MRPL55: variants seen among roughly 807,000 people sequenced by gnomAD.
MRPL55 encodes the protein large ribosomal subunit protein mL55.
A neutral mutation model predicts 10.6 loss-of-function variants in MRPL55; 7 were observed. The ratio of observed to expected loss-of-function variants is 0.66; its 90% confidence interval spans 0.38 to 1.24. The LOEUF is 1.24. Ranked by LOEUF, MRPL55 falls within the 50% of genes most tolerant of loss-of-function variation. The pLI is 0.02. For missense variants in MRPL55, 148 were observed against 180.3 expected, an observed-to-expected ratio of 0.82 and a Z score of 1.03; for synonymous variants, 57 against 71.8, an observed-to-expected ratio of 0.79 and a Z score of 1.04.
In MRPL55 at chr1:228,108,290, G is replaced by A. The variant is rs373059867; in HGVS notation, c.-30C>T. 27 of 1,608,004 alleles carry A rather than the reference G, an allele frequency of 1.7e-5. No homozygotes were observed. The highest frequency in any genetic ancestry group is 3.3e-4 in the Middle Eastern group (2 of 6,066). ...CCTTACAGCCCCAGTGGCACGTGGA[G>A]GTGGTCAGTACAGGCCCTGGCGTGC... On this transcript the variant is annotated 5_prime_UTR_variant, in exon 3 of 5. Transcript: ENST00000336520.
chr1:228,108,002 A>G, intron 3 of MRPL55, 133 bp from the exon 4 acceptor site: 1 of 1,545,210 alleles, frequency 6.5e-7, no homozygotes, highest in Non-Finnish European at 8.8e-7. Context: ...GTGCCGGGGC[A>G]GGATGAGCCT....
rs920453188 is a variant in MRPL55, at chr1:228,108,183, C to T, written c.26+52G>A. ...GGTTTCCTGCTGAAGAGAGGGGTTC[C>T]CTGGGGTGGCCCCTGACAGTAATCC... On this transcript the variant is annotated intron_variant, in intron 3 of 4. Transcript: ENST00000336520. 13 of 1,588,638 alleles carry T rather than the reference C, an allele frequency of 8.2e-6. No homozygotes were observed. In the Admixed American group the frequency reaches 1.2e-4, roughly 15 times the overall value.
At chr1:228,107,236 C>T (rs917989760) in intron 4 of MRPL55, among the ~76,000 whole-genome samples, 2 of 152,064 alleles carry the variant, frequency 1.3e-5, no homozygotes, top group African/African-American at 4.8e-5. Context: ...CTGGGCAACA[C>T]AGAGAGACCC....
intron 4 of MRPL55, 118 bp downstream of exon 4, chr1:228,107,550 G>A (rs532064515): frequency 2.6e-5 from 24 of 932,706 alleles, no homozygotes; most frequent in South Asian, 7.1e-5. Flanking sequence ...CCTGACTCCT[G>A]TCATGTGGTA....
At chr1:228,107,912 A>G (rs368856155) in intron 3 of MRPL55, 43 bp from the exon 4 acceptor site, 2 of 1,604,092 alleles carry the variant, frequency 1.2e-6, no homozygotes, top group African/African-American at 2.7e-5. Flanking sequence ...ACAGTGCTGC[A>G]GCAGAGTGCC....
At chr1:228,106,976 G>A in intron 4 of MRPL55, 58 bp from the exon 5 acceptor site, 6 of 1,481,202 alleles carry the variant, frequency 4.1e-6, no homozygotes, top group Non-Finnish European at 5.6e-6. Flanking sequence ...AGAGCTACTG[G>A]GGGGACAGCC....
chr1:228,108,229 G>A lies in MRPL55; in HGVS notation c.26+6C>T. The A allele has an allele frequency of 6.2e-7, 1 of 1,610,640 alleles. No homozygotes were observed. Among genetic ancestry groups the A allele is most frequent in the Non-Finnish European group, 8.5e-7 (1 of 1,178,874 alleles). ...AATCCCCAGGGACCTAAAAGTCCAT[G>A]CTTACCCAAGCAGGCTGCCCACGGC... On this transcript the variant is annotated splice_donor_region_variant and intron_variant, in intron 3 of 4. Coordinates refer to ENST00000336520, the MANE Select transcript of MRPL55 (RefSeq NM_181463.3).
At chr1:228,108,116 G>T in intron 3 of MRPL55, 119 bp downstream of exon 3, 1 of 1,531,428 alleles carries the variant, frequency 6.5e-7, no homozygotes, top group Non-Finnish European at 8.8e-7. Flanking sequence ...CCAGCACAGG[G>T]GACAGTGGAC....
At position 228,108,285 on chromosome 1, in the gene MRPL55, G is replaced by A. The variant is rs1309210486; in HGVS notation, c.-25C>T. 4.4e-6 allele frequency: 7 copies of A among 1,608,766 alleles called. No individual in the cohort carries two copies. The highest frequency in any genetic ancestry group is 5.1e-6 in the Non-Finnish European group (6 of 1,177,808). On this transcript the variant is annotated 5_prime_UTR_variant, in exon 3 of 5. It adds an upstream start codon to the 5' untranslated region. Transcript: ENST00000336520. ...TTCCTCCTTACAGCCCCAGTGGCAC[G>A]TGGAGGTGGTCAGTACAGGCCCTGG...
rs769399097 is a variant in MRPL55 at position 228,106,812 on chromosome 1, T to C, written c.335A>G (p.Asp112Gly). 1 of 1,614,036 alleles carries C rather than the reference T, an allele frequency of 6.2e-7. No individual in the cohort carries two copies. The highest frequency in any genetic ancestry group is 8.5e-7 in the Non-Finnish European group (1 of 1,180,010). ...TCGGTAGCGCTCCACATGCAAGTCA[T>C]CACTGAGCTCCTGCTCGTACTCCTT... ...SRKEYEQELSDDLHVERYRQF... is the reference protein window; with the variant it reads ...SRKEYEQELSGDLHVERYRQF... Residue 112 changes from aspartate to glycine, a missense_variant, in exon 5 of 5, where the codon GAT (aspartate) becomes GGT (glycine). Asp to Gly is a moderately conservative substitution (Grantham distance 94). Coordinates refer to ENST00000336520, the MANE Select transcript of MRPL55 (RefSeq NM_181463.3).
At chr1:228,107,494 T>C (rs2033262857) in intron 4 of MRPL55, among the ~76,000 whole-genome samples, 174 bp downstream of exon 4, 1 of 152,136 alleles carries the variant, frequency 6.6e-6, no homozygotes, top group Non-Finnish European at 1.5e-5. Flanking sequence ...TTAGAGTCAG[T>C]TTTGGATCTA....
intron 4 of MRPL55, among the ~76,000 whole-genome samples, chr1:228,107,290 G>A (rs546279544): frequency 1.3e-5 from 2 of 152,262 alleles, no homozygotes; most frequent in East Asian, 3.9e-4. Flanking sequence ...GAGGCATGGT[G>A]GTGTGCACCT....
Position 228,106,881 on chromosome 1 carries a change from C to T in MRPL55, c.266G>A (p.Arg89His), listed in dbSNP as rs748821629. ...CTCACGCTTCCGCAGCCTGGCCCGG[C>T]GCTCCTCAGGAGACAGGGTGTCCAG... is the stretch of plus-strand genomic sequence containing the variant. ...IDLDTLSPEE[R>H]RARLRKREAQ... The change falls in exon 5 of 5, where the codon CGC (arginine) becomes CAC (histidine). Residue 89 changes from arginine (R) to histidine (H), a missense_variant. Physicochemically the swap from Arg to His is conservative, Grantham distance 29. Coordinates refer to ENST00000336520, the MANE Select transcript of MRPL55 (RefSeq NM_181463.3). 15 of 1,613,588 alleles carry T rather than the reference C, an allele frequency of 9.3e-6. No individual in the cohort carries two copies. Among genetic ancestry groups the T allele is most frequent in the South Asian group, 2.2e-5 (2 of 91,068 alleles).
At position 228,107,839 on chromosome 1, in the gene MRPL55, G is replaced by A. The variant is rs1266675358; in HGVS notation, c.57C>T (p.Thr19=). 1.1e-5 allele frequency: 17 copies of A among 1,612,914 alleles called. No homozygotes were observed. The highest frequency in any genetic ancestry group is 1.0e-4 in the Admixed American group (6 of 60,000). ...GRLRQSTVKA[T]GPALRRLHTS... is the part of the protein sequence containing the mutation. ...TGTGCAGGCGGCGGAGTGCAGGTCC[G>A]GTGGCCTTCACGGTGCTCTGCCTCA... The change falls in exon 4 of 5, where the codon ACC becomes ACT. Residue 19 remains threonine, a synonymous_variant. Transcript: ENST00000336520.
chr1:228,107,345 G>A (rs1038830920), intron 4 of MRPL55, among the ~76,000 whole-genome samples: 2 of 152,220 alleles, frequency 1.3e-5, no homozygotes, highest in African/African-American at 2.4e-5. Flanking sequence ...GACCGCATGA[G>A]CCCAGGGGGT....
intron 2 of MRPL55, 200 bp from the exon 3 acceptor site, chr1:228,108,518 A>G (rs1455997515): frequency 5.7e-6 from 3 of 522,200 alleles, no homozygotes; most frequent in Non-Finnish European, 1.0e-5. Flanking sequence ...ACTACTCCCA[A>G]AGATTCTGAG....
At chr1:228,108,168 T>C (rs767811995) in intron 3 of MRPL55, 67 bp downstream of exon 3, 8 of 1,567,572 alleles carry the variant, frequency 5.1e-6, no homozygotes, top group Non-Finnish European at 6.9e-6. Context: ...GGTTTCCTGC[T>C]GAAGAGAGGG....
chr1:228,108,195 C>T (rs777348095), intron 3 of MRPL55, 40 bp downstream of exon 3: 2 of 1,601,356 alleles, frequency 1.2e-6, no homozygotes, highest in South Asian at 1.1e-5. Context: ...TGGGGTGGCC[C>T]CTGACAGTAA....
At position 228,108,331 on chromosome 1, in the gene MRPL55, G is replaced by A. The variant is rs2033420855; in HGVS notation, c.-58-13C>T. 6.8e-7 allele frequency: 1 copy of A among 1,463,948 alleles called. No individual in the cohort carries two copies. The highest frequency in any genetic ancestry group is 2.2e-5 in the Admixed American group (1 of 45,908). 90.7% of individuals were successfully genotyped at this position (1,463,948 alleles called of 1,614,324 possible). A position where few individuals can be genotyped will look rare whatever the true frequency, so the allele number is the denominator to read the frequency against. On this transcript the variant is annotated splice_polypyrimidine_tract_variant and intron_variant, in intron 2 of 4. Coordinates refer to ENST00000336520, the MANE Select transcript of MRPL55 (RefSeq NM_181463.3). ...CCTGGCGTGCAACCTGCTAGGCAGA[G>A]AATGAAGAGATCTTTTTTAAAAGGA...
Sources: allele counts gnomAD v4.1 joint callset (sites outside exome capture counted in the v4.1 genomes callset), GRCh38; gene constraint gnomAD v4.1.1; transcripts MANE v1.5; gene names NCBI Gene and HGNC (gene_info 2026-07-23, HGNC 2026-07-21).